Variants in ABI3BP observed in about 807,000 individuals in gnomAD.
ABI3BP encodes the protein target of Nesh-SH3.
ABI3BP carries 216 observed loss-of-function variants against 268.6 expected under a neutral mutation model. The observed-to-expected ratio is 0.80, with a 90% confidence interval of 0.72 to 0.90. The LOEUF (loss-of-function observed/expected upper bound fraction) is 0.90. Among genes scored for constraint, ABI3BP ranks in the 40% least tolerant of loss-of-function variants. The pLI, the probability that ABI3BP is intolerant of heterozygous loss-of-function variation, is 0.00. For missense variants in ABI3BP, 2,090 were observed against 2,182.4 expected (o/e 0.96, Z 0.84); for synonymous variants, 730 against 730.0 (o/e 1.00, Z 0.00).
chr3:100,894,281 G>C (rs546976208), intron 4 of ABI3BP, among the ~76,000 whole-genome samples: 7 of 152,300 alleles, frequency 4.6e-5, no homozygotes, highest in African/African-American at 1.7e-4. Flanking sequence ...GACAAGTGAG[G>C]TGATATTTCA....
intron 1 of ABI3BP, among the ~76,000 whole-genome samples, chr3:100,959,901 T>G (rs1241418416): frequency 6.6e-6 from 1 of 152,170 alleles, no homozygotes; most frequent in Non-Finnish European, 1.5e-5. Context: ...AAAAACTACT[T>G]CCCTCAGTGT....
At chr3:100,875,657 C>T in intron 7 of ABI3BP, 78 bp from the exon 8 acceptor site, 2 of 1,014,930 alleles carry the variant, frequency 2.0e-6, no homozygotes. Flanking sequence ...AAGCCATCTG[C>T]ACTGGAAAAG....
At chr3:100,894,811 T>A (rs954913539) in intron 4 of ABI3BP, among the ~76,000 whole-genome samples, 4 of 151,082 alleles carry the variant, frequency 2.6e-5, no homozygotes, top group Non-Finnish European at 5.9e-5. Flanking sequence ...TGGTGGCCGG[T>A]GCCTGTAGTC....
chr3:100,800,308 A>G (rs1327385000), intron 51 of ABI3BP, among the ~76,000 whole-genome samples: 2 of 152,200 alleles, frequency 1.3e-5, no homozygotes, highest in Non-Finnish European at 2.9e-5. Flanking sequence ...TGATTACAAA[A>G]AGAAACACAC....
intron 50 of ABI3BP, among the ~76,000 whole-genome samples, chr3:100,806,745 T>C (rs1172753017): frequency 2.6e-5 from 4 of 152,062 alleles, no homozygotes; most frequent in Admixed American, 6.6e-5. Flanking sequence ...AGCCACTCCA[T>C]GGTTTCAGAG....
At chr3:100,800,697 T>C (rs112524132) in intron 51 of ABI3BP, among the ~76,000 whole-genome samples, 21,053 of 152,172 alleles carry the variant, frequency 0.14, 1,895 homozygotes, top group South Asian at 0.27. Flanking sequence ...GCCAGAATGG[T>C]CTTGTTCTCC....
intron 1 of ABI3BP, among the ~76,000 whole-genome samples, chr3:100,937,460 T>C (rs2066681976): frequency 6.6e-6 from 1 of 151,998 alleles, no homozygotes; most frequent in Non-Finnish European, 1.5e-5. Context: ...ATCCCTATAA[T>C]GAGATATAGC....
Position 100,855,727 on chromosome 3 carries a change from A to G in ABI3BP, c.1286-3787T>C, listed in dbSNP as rs138099385. Reference sequence around the variant, plus strand: ...TCTACTACACAAATACCTGGCATACACTTGTGTAGACATACCCTGTCATGG... The same window carrying G: ...TCTACTACACAAATACCTGGCATACGCTTGTGTAGACATACCCTGTCATGG... On this transcript the variant is annotated intron_variant, in intron 14 of 67. Transcript: ENST00000471714. Among the ~76,000 whole-genome samples the G allele has an allele frequency of 2.0e-4, 31 of 152,348 alleles. 2 individuals carry two copies. In the East Asian group the frequency reaches 5.8e-3, roughly 28 times the overall value.
At chr3:100,839,502 A>C (rs1248720320) in intron 24 of ABI3BP, 67 bp downstream of exon 24, 3 of 1,470,690 alleles carry the variant, frequency 2.0e-6, no homozygotes, top group Non-Finnish European at 2.8e-6. Context: ...TCATGCCTGT[A>C]ATGGAGAGTG....
chr3:100,979,701 C>T, intron 1 of ABI3BP, among the ~76,000 whole-genome samples: 1 of 152,262 alleles, frequency 6.6e-6, no homozygotes, highest in East Asian at 1.9e-4. Flanking sequence ...ACAGTAAATA[C>T]TTGTTGTCTT....
rs1400429816 is a variant in ABI3BP, at chr3:100,765,857, G to T, written c.4834C>A (p.Leu1612Met). The change falls in exon 63 of 68, where the codon CTG becomes ATG. Residue 1612 changes from leucine (L) to methionine (M), a missense_variant. Transcript: ENST00000471714. ...TNQTFSTVEN[L>M]KPNTSYEFQV... ...GTGGCTTACCTCGTGTTTGGTTTCA[G>T]ATTTTCTACTGTGGAAAATGTCTGA... The T allele has an allele frequency of 6.8e-6, 11 of 1,609,404 alleles. No homozygotes were observed. The highest frequency in any genetic ancestry group is 2.7e-5 in the African/African-American group (2 of 74,880).
intron 59 of ABI3BP, among the ~76,000 whole-genome samples, chr3:100,776,171 T>C (rs1036179611): frequency 6.6e-6 from 1 of 152,064 alleles, no homozygotes; most frequent in Non-Finnish European, 1.5e-5. Flanking sequence ...GAGACTAGAT[T>C]GAATTTTATG....
chr3:100,899,020 TTTTCTA>T, intron 3 of ABI3BP, 126 bp from the exon 4 acceptor site: 1 of 1,028,944 alleles, frequency 9.7e-7, no homozygotes, highest in Non-Finnish European at 1.4e-6. Flanking sequence ...GTTCCTTTCC[TTTTCTA>T]TAGTCCACAT....
chr3:100,988,884 C>A (rs1183361182), intron 1 of ABI3BP, among the ~76,000 whole-genome samples: 1 of 152,196 alleles, frequency 6.6e-6, no homozygotes, highest in Non-Finnish European at 1.5e-5. Context: ...CACTTTCTAG[C>A]TATATTACTT....
intron 51 of ABI3BP, among the ~76,000 whole-genome samples, chr3:100,802,229 C>G (rs891143570): frequency 6.6e-6 from 1 of 152,122 alleles, no homozygotes; most frequent in Non-Finnish European, 1.5e-5. Context: ...AGGGAAGAGA[C>G]ACGTAGAACA....
chr3:100,780,070 C>T (rs375348841), intron 58 of ABI3BP, 62 bp downstream of exon 58: 3 of 1,520,404 alleles, frequency 2.0e-6, no homozygotes, highest in African/African-American at 2.7e-5. Context: ...AGGAATGATA[C>T]TGCAGTTACC....
chr3:100,844,718 T>G (rs1180822775), intron 20 of ABI3BP, among the ~76,000 whole-genome samples: 7 of 151,554 alleles, frequency 4.6e-5, no homozygotes, highest in Non-Finnish European at 1.5e-5. Context: ...CCATTCAAGG[T>G]CCATTTGAGG....
chr3:100,843,735 T>C, intron 20 of ABI3BP: 2 of 983,076 alleles, frequency 2.0e-6, no homozygotes, highest in South Asian at 4.7e-5. Context: ...CATCAATACA[T>C]GAAATACAAT....
chr3:100,750,380 A>G lies in ABI3BP; in HGVS notation c.*115T>C. 3.0e-6 allele frequency: 2 copies of G among 677,282 alleles called. No homozygotes were observed. The highest frequency in any genetic ancestry group is 4.8e-6 in the Non-Finnish European group (2 of 414,166). The allele number at this position is 677,282 out of a possible 1,614,324, so 42.0% of individuals were successfully genotyped here. A position where few individuals can be genotyped will look rare whatever the true frequency, so the allele number is the denominator to read the frequency against. On this transcript the variant is annotated 3_prime_UTR_variant, in exon 68 of 68. Transcript: ENST00000471714. The stretch of plus-strand genomic sequence containing the variant: ...TAATAAACATCTAGTATTGCTATTA[A>G]TTAGATTGTAGACTTTTATACATAG...
Sources: gnomAD v4.1 joint callset for allele counts (sites outside exome capture counted in the v4.1 genomes callset) on GRCh38, gnomAD v4.1.1 for gene constraint, MANE v1.5 for transcripts, NCBI Gene and HGNC (gene_info 2026-07-23, HGNC 2026-07-21) for gene names.